Variants in SLC2A1 observed in about 807,000 individuals in gnomAD.
SLC2A1 encodes solute carrier family 2, facilitated glucose transporter member 1.
A neutral mutation model predicts 46.6 loss-of-function variants in SLC2A1; 4 were observed. The ratio of observed to expected loss-of-function variants is 0.09; its 90% CI spans 0.04 to 0.20. SLC2A1 has a LOEUF of 0.20. SLC2A1 is among the 10% of genes least tolerant of loss of function. The pLI is 1.00. For synonymous variants in SLC2A1, 253 were observed against 270.0 expected (o/e 0.94, Z 0.62); for missense variants, 352 against 667.0 (o/e 0.53, Z 5.20).
intron 1 of SLC2A1, among the ~76,000 whole-genome samples, chr1:42,947,581 C>CACACAAAAAAAAAAAAAAAAAAAAA (rs1373644000): frequency 1.8e-5 from 1 of 55,830 alleles, no homozygotes; most frequent in African/African-American, 9.2e-5. Context: ...CACACACACA[C>CACACAAAAAAAAAAAAAAAAAAAAA]AAAAAAAAAA....
Position 42,926,649 on chromosome 1 carries a change from A to G in SLC2A1, c.*392T>C. On this transcript the variant is annotated 3_prime_UTR_variant, in exon 10 of 10. Transcript: ENST00000426263. ...AGTTCGATTAGTGTGTCCTTAGGAC[A>G]TAGGTCCAGCCCTACAGATTAGCTG... The G allele has an allele frequency of 3.2e-6, 4 of 1,247,568 alleles. No homozygotes were observed. Among genetic ancestry groups the G allele is most frequent in the Non-Finnish European group, 4.2e-6 (4 of 950,144 alleles). The allele number at this position is 1,247,568 out of a possible 1,614,324, so 77.3% of individuals were successfully genotyped here. A position where few individuals can be genotyped will look rare whatever the true frequency, so the allele number is the denominator to read the frequency against.
At chr1:42,938,032 G>A (rs184243767) in intron 2 of SLC2A1, among the ~76,000 whole-genome samples, 2 of 152,324 alleles carry the variant, frequency 1.3e-5, no homozygotes, top group East Asian at 1.9e-4. Flanking sequence ...TCTGGATTCT[G>A]AGGATGCCTT....
chr1:42,947,400 G>C (rs540190919), intron 1 of SLC2A1, among the ~76,000 whole-genome samples: 34 of 152,070 alleles, frequency 2.2e-4, no homozygotes, highest in African/African-American at 7.5e-4. Flanking sequence ...GCAGTCTCTA[G>C]CTTATTACCC....
chr1:42,958,594 C>A, intron 1 of SLC2A1, 40 bp downstream of exon 1: 2 of 1,514,508 alleles, frequency 1.3e-6, no homozygotes, highest in South Asian at 1.2e-5. Flanking sequence ...GAGTCTGCGC[C>A]TTTGTTCCTG....
rs373730619 is a variant in SLC2A1, at chr1:42,927,233, A to G, written c.1287T>C (p.Cys429=). The stretch of plus-strand genomic sequence containing the variant: ...TGAAGATGATGAAGACGTAGGGACC[A>G]CACAGTTGCTGAAAGACACACAGAC... ...GMCFQYVEQL[C]GPYVFIIFTV... is the part of the protein sequence containing the mutation. Residue 429 remains cysteine, a synonymous_variant, in exon 10 of 10, where the codon TGT becomes TGC. Transcript: ENST00000426263. The surrounding 1 kb of genome is among the most constrained non-coding windows in gnomAD (Gnocchi z 5.3). 8.7e-6 allele frequency: 14 copies of G among 1,613,862 alleles called. No individual in the cohort carries two copies. The highest frequency in any genetic ancestry group is 4.0e-5 in the African/African-American group (3 of 74,932).
At chr1:42,956,760 A>G (rs2124476578) in intron 1 of SLC2A1, among the ~76,000 whole-genome samples, 1 of 152,340 alleles carries the variant, frequency 6.6e-6, no homozygotes, top group East Asian at 1.9e-4. Flanking sequence ...CCACCTTTGA[A>G]GATAGGCAAA....
chr1:42,958,053 C>T (rs1407006349), intron 1 of SLC2A1, among the ~76,000 whole-genome samples: 2 of 152,220 alleles, frequency 1.3e-5, no homozygotes, highest in Non-Finnish European at 2.9e-5. Context: ...GCCTCGGCCT[C>T]GTCACCGCGG....
intron 1 of SLC2A1, among the ~76,000 whole-genome samples, chr1:42,949,846 T>C (rs751969706): frequency 4.0e-5 from 6 of 150,170 alleles, no homozygotes; most frequent in Non-Finnish European, 5.9e-5. Flanking sequence ...AAGTTTCCAA[T>C]TGGGGGTCTC....
rs761747174 is a variant in SLC2A1 at position 42,929,464 on chromosome 1, G to A, written c.867+129C>T. Reference sequence around the variant, plus strand: ...ACACTGCACTGCAGTGACCTTACGGGCTTGGGGTCTAAAGGGAAACTTCTT... The same window carrying A: ...ACACTGCACTGCAGTGACCTTACGGACTTGGGGTCTAAAGGGAAACTTCTT... On this transcript the variant is annotated intron_variant, in intron 6 of 9. Transcript: ENST00000426263. This position sits in a 1 kb window ranked among gnomAD's most constrained non-coding sequence, Gnocchi z 6.0. The A allele has an allele frequency of 1.8e-6, 2 of 1,130,866 alleles. No homozygotes were observed. Among genetic ancestry groups the A allele is most frequent in the South Asian group, 2.6e-5 (2 of 77,642 alleles). The allele number at this position is 1,130,866 out of a possible 1,614,324, so 70.1% of individuals were successfully genotyped here.
At chr1:42,935,269 G>A (rs1453956297) in intron 2 of SLC2A1, among the ~76,000 whole-genome samples, 2 of 152,144 alleles carry the variant, frequency 1.3e-5, no homozygotes, top group African/African-American at 2.4e-5. Context: ...CCTTTGAACC[G>A]GATGGCTTCT....
chr1:42,956,371 G>A (rs139176004), intron 1 of SLC2A1, among the ~76,000 whole-genome samples: 6,033 of 132,130 alleles, frequency 0.046, 190 homozygotes, highest in Non-Finnish European at 0.064. Flanking sequence ...AGACCAGCCT[G>A]ACCAACATGG....
intron 2 of SLC2A1, 80 bp from the exon 3 acceptor site, chr1:42,931,286 C>A: frequency 6.9e-7 from 1 of 1,441,434 alleles, no homozygotes; most frequent in Non-Finnish European, 9.5e-7. Context: ...TTGCACCCCT[C>A]CCTAAGAGAG....
At chr1:42,933,972 G>A (rs1391738661) in intron 2 of SLC2A1, among the ~76,000 whole-genome samples, 1 of 152,116 alleles carries the variant, frequency 6.6e-6, no homozygotes, top group African/African-American at 2.4e-5. Flanking sequence ...AACCCTCTGT[G>A]GTTCAGAGGC....
rs1336319635 is a variant in SLC2A1, at chr1:42,958,820, AC to A, written c.-170del. 1.6e-6 allele frequency: 1 copy of A among 619,936 alleles called. No individual in the cohort carries two copies. The highest frequency in any genetic ancestry group is 3.4e-5 in the East Asian group (1 of 29,844). 38.4% of individuals were successfully genotyped at this position (619,936 alleles called of 1,614,324 possible). On this transcript the variant is annotated 5_prime_UTR_variant, in exon 1 of 10. Coordinates refer to ENST00000426263, the MANE Select transcript of SLC2A1 (RefSeq NM_006516.4). ...TGCTCCCTGGCGTGCTCACTCGGGG[AC>A]CCGCGACTAGCGACCGGCACGCTCG... is the stretch of plus-strand genomic sequence containing the variant.
In SLC2A1 at chr1:42,926,932, C is replaced by A. The variant is rs1184031954; in HGVS notation, c.*109G>T. 19 of 1,539,124 alleles carry A rather than the reference C, an allele frequency of 1.2e-5. No homozygotes were observed. Among genetic ancestry groups the A allele is most frequent in the Non-Finnish European group, 1.6e-5 (18 of 1,146,724 alleles). ...GCTGGCTGGAGAAAGGAGCCCCAGGCCCGGCTCGGCTGACATCTGTCAGGT... is the reference window on the plus strand; with the variant it reads ...GCTGGCTGGAGAAAGGAGCCCCAGGACCGGCTCGGCTGACATCTGTCAGGT... On this transcript the variant is annotated 3_prime_UTR_variant, in exon 10 of 10. Transcript: ENST00000426263.
In SLC2A1 at chr1:42,931,162, C is replaced by A. The variant is rs2124450884; in HGVS notation, c.159G>T (p.Gly53=). The A allele has an allele frequency of 6.2e-7, 1 of 1,614,136 alleles. No individual in the cohort carries two copies. The change falls in exon 3 of 10, where the codon GGG becomes GGT. Residue 53 remains glycine (G), a synonymous_variant. Transcript: ENST00000426263. The part of the protein sequence containing the change: ...FYNQTWVHRY[G]ESILPTTLTT... Reference sequence around the variant, plus strand: ...TGAGCGTGGTGGGCAGGATGCTCTCCCCATAGCGGTGGACCCATGTCTGGT... The same window carrying A: ...TGAGCGTGGTGGGCAGGATGCTCTCACCATAGCGGTGGACCCATGTCTGGT...
At chr1:42,945,822 G>A (rs1368919575) in intron 1 of SLC2A1, among the ~76,000 whole-genome samples, 1 of 152,082 alleles carries the variant, frequency 6.6e-6, no homozygotes, top group Non-Finnish European at 1.5e-5. Context: ...GGGTGACTGG[G>A]GACAGGGTGA....
chr1:42,926,454 T>A lies in SLC2A1; in HGVS notation c.*587A>T, dbSNP rs748209315. The A allele has an allele frequency of 2.5e-5, 6 of 242,106 alleles. No individual in the cohort carries two copies. Among genetic ancestry groups the A allele is most frequent in the East Asian group, 9.4e-5 (1 of 10,618 alleles). 15.0% of individuals were successfully genotyped at this position (242,106 alleles called of 1,614,324 possible). On this transcript the variant is annotated 3_prime_UTR_variant, in exon 10 of 10. Transcript: ENST00000426263. The stretch of plus-strand genomic sequence containing the variant: ...GGCCCTTCCCCTCTCCTCCCTGCAC[T>A]CCAGTGCTCCCAACTGGTCTCAGGT...
intron 2 of SLC2A1, among the ~76,000 whole-genome samples, chr1:42,936,228 T>G (rs1643541270): frequency 6.6e-6 from 1 of 152,158 alleles, no homozygotes; most frequent in African/African-American, 2.4e-5. Context: ...CGGGATGCTA[T>G]TGTGGGGAAG....
Sources: gnomAD v4.1 joint callset for allele counts (sites outside exome capture counted in the v4.1 genomes callset) on GRCh38, gnomAD v4.1.1 for gene constraint, Gnocchi (gnomAD v3.1) non-coding constraint, MANE v1.5 for transcripts, NCBI Gene and HGNC (gene_info 2026-07-23, HGNC 2026-07-21) for gene names.